The following STK17B variants were observed in gnomAD, a reference collection of about 807,000 sequenced individuals.
The protein encoded by STK17B is serine/threonine kinase 17b, also known as serine/threonine-protein kinase 17B.
STK17B carries 21 observed loss-of-function variants against 42.0 expected under a neutral mutation model. The observed-to-expected ratio is 0.50, with a 90% CI of 0.35 to 0.72. STK17B has a LOEUF of 0.72. Ranked by LOEUF, STK17B falls within the 30% of genes least tolerant of loss-of-function variation. The probability of loss-of-function intolerance (pLI) is 0.00; values close to 1 mark genes in which losing one functional copy is unlikely to be tolerated. For synonymous variants in STK17B, 143 were observed against 148.4 expected, an observed-to-expected ratio of 0.96 and a Z score of 0.26; for missense variants, 349 against 446.0, an observed-to-expected ratio of 0.78 and a Z score of 1.96.
At chr2:196,169,991 C>T (rs1699919532) in intron 1 of STK17B, among the ~76,000 whole-genome samples, 1 of 152,110 alleles carries the variant, frequency 6.6e-6, no homozygotes, top group South Asian at 2.1e-4. Context: ...AATTGAGCAT[C>T]TGCTCAGAGG....
chr2:196,153,088 T>G (rs529921696), intron 3 of STK17B: 39 of 151,972 alleles, frequency 2.6e-4, no homozygotes, highest in Non-Finnish European at 3.5e-4. Flanking sequence ...CCTGGCCACA[T>G]TTTTTTAAGT....
At chr2:196,157,309 T>G (rs891915364) in intron 2 of STK17B, among the ~76,000 whole-genome samples, 1 of 152,198 alleles carries the variant, frequency 6.6e-6, no homozygotes, top group South Asian at 2.1e-4. Context: ...AGAGAAGATA[T>G]GTAATTTAGT....
chr2:196,161,511 C>CTTTTT lies in STK17B; in HGVS notation c.122+1746_122+1750dup, dbSNP rs71009086. 2.7e-3 allele frequency among the ~76,000 whole-genome samples: 189 copies of CTTTTT among 69,520 alleles called. 12 individuals are homozygous for CTTTTT. The highest frequency in any genetic ancestry group is 8.5e-3 in the African/African-American group (139 of 16,312). The allele number at this position is 69,520 out of a possible 152,430, so 45.6% of individuals were successfully genotyped here. A position where few individuals can be genotyped will look rare whatever the true frequency, so the allele number is the denominator to read the frequency against. ...GGTCAGTGAGGTAGATATTATAATTCTTTTTTTTTTTTTTTTTTTTTTTTT... is the reference window on the plus strand; with the variant it reads ...GGTCAGTGAGGTAGATATTATAATTCTTTTTTTTTTTTTTTTTTTTTTTTTTTTTT... On this transcript the variant is annotated intron_variant, in intron 2 of 7. Transcript: ENST00000263955.
At chr2:196,156,788 T>C (rs1407565685) in intron 2 of STK17B, 137 bp from the exon 3 acceptor site, 2 of 713,242 alleles carry the variant, frequency 2.8e-6, no homozygotes, top group Non-Finnish European at 2.3e-6. Flanking sequence ...CTTTGTTCTC[T>C]AAATTGATTC....
intron 3 of STK17B, chr2:196,151,657 A>G (rs1699667911): frequency 6.6e-6 from 1 of 152,204 alleles, no homozygotes. Context: ...ATGTATAGCT[A>G]TATTTTATTT....
intron 4 of STK17B, 100 bp from the exon 5 acceptor site, chr2:196,143,786 T>C: frequency 2.8e-6 from 3 of 1,078,798 alleles, no homozygotes; most frequent in Non-Finnish European, 2.5e-6. Context: ...TCAGCTATTA[T>C]ACATTTCATT....
intron 2 of STK17B, among the ~76,000 whole-genome samples, chr2:196,161,980 AAATC>A (rs2105708911): frequency 6.6e-6 from 1 of 152,272 alleles, no homozygotes; most frequent in East Asian, 1.9e-4. Context: ...TCAAAGACAA[AAATC>A]AATCACATTG....
chr2:196,146,099 C>T (rs2271888), intron 3 of STK17B, 44 bp from the exon 4 acceptor site: 889,370 of 1,518,468 alleles, frequency 0.59, 268,118 homozygotes, highest in South Asian at 0.62. Context: ...ATTCATTCAC[C>T]TAAACACTTT....
intron 1 of STK17B, among the ~76,000 whole-genome samples, chr2:196,170,364 T>C (rs1699924148): frequency 6.6e-6 from 1 of 152,188 alleles, no homozygotes; most frequent in Non-Finnish European, 1.5e-5. Context: ...GCACCACAGA[T>C]GTAAACATTA....
At chr2:196,144,980 T>C (rs1316203019) in intron 4 of STK17B, among the ~76,000 whole-genome samples, 2 of 151,992 alleles carry the variant, frequency 1.3e-5, no homozygotes, top group African/African-American at 4.8e-5. Context: ...TGTGATGCTA[T>C]GTAATGTACT....
At chr2:196,165,149 G>T (rs1575187079) in intron 1 of STK17B, among the ~76,000 whole-genome samples, 1 of 152,098 alleles carries the variant, frequency 6.6e-6, no homozygotes, top group African/African-American at 2.4e-5. Context: ...CCTTTAAAAA[G>T]GTGATTAAGT....
intron 4 of STK17B, 122 bp downstream of exon 4, chr2:196,145,789 C>T (rs1455307243): frequency 2.2e-6 from 2 of 908,650 alleles, no homozygotes; most frequent in Admixed American, 7.0e-5. Flanking sequence ...AAGAGCACAC[C>T]AGTGCAGTCT....
chr2:196,172,021 C>T (rs1021969482), upstream of STK17B, among the ~76,000 whole-genome samples: 2 of 152,232 alleles, frequency 1.3e-5, no homozygotes, highest in Admixed American at 1.3e-4. Flanking sequence ...GACCTATTTT[C>T]TGACTCTTCT....
At chr2:196,150,600 T>A (rs1699653299) in intron 3 of STK17B, among the ~76,000 whole-genome samples, 1 of 152,210 alleles carries the variant, frequency 6.6e-6, no homozygotes, top group African/African-American at 2.4e-5. Flanking sequence ...TAGATTTCTG[T>A]GAGTTATAGA....
intron 4 of STK17B, among the ~76,000 whole-genome samples, chr2:196,144,718 C>T (rs193259080): frequency 2.9e-4 from 44 of 152,170 alleles, no homozygotes; most frequent in African/African-American, 7.7e-4. Flanking sequence ...CCTAAAACCA[C>T]GTGACTTTGC....
rs781753002 is a variant in STK17B at position 196,139,675 on chromosome 2, A to AT, written c.780dup (p.Ser261IlefsTer39). 6.8e-7 allele frequency: 1 copy of AT among 1,472,972 alleles called. No homozygotes were observed. Among genetic ancestry groups the AT allele is most frequent in the Non-Finnish European group, 9.0e-7 (1 of 1,109,102 alleles). 91.2% of individuals were successfully genotyped at this position (1,472,972 alleles called of 1,614,324 possible). On this transcript the variant is annotated frameshift_variant, in exon 7 of 8. Transcript: ENST00000263955. LOFTEE classifies it high-confidence loss of function. ...AAGTCTGTGGCCAGCTGTGAAACTGATGAAAAAGTTTCTTCCGAATAATCT... is the reference window on the plus strand; with the variant it reads ...AAGTCTGTGGCCAGCTGTGAAACTGATTGAAAAAGTTTCTTCCGAATAATCT...
chr2:196,167,104 G>GCTAA (rs1167349019), intron 1 of STK17B, among the ~76,000 whole-genome samples: 4 of 152,070 alleles, frequency 2.6e-5, no homozygotes, highest in Admixed American at 2.0e-4. Flanking sequence ...TCCTTAAATG[G>GCTAA]CTAACTCTTC....
chr2:196,171,606 G>T (rs1443337562), upstream of STK17B: 3 of 152,094 alleles, frequency 2.0e-5, no homozygotes, highest in Non-Finnish European at 2.9e-5. Flanking sequence ...CTGGGGCATC[G>T]CCGTTCGCCA....
At chr2:196,155,246 T>C (rs1699723375) in intron 3 of STK17B, among the ~76,000 whole-genome samples, 2 of 152,210 alleles carry the variant, frequency 1.3e-5, no homozygotes, top group Non-Finnish European at 2.9e-5. Context: ...TTACAAAATA[T>C]ATGAAAACTG....
Sources: allele counts gnomAD v4.1 joint callset (sites outside exome capture counted in the v4.1 genomes callset), GRCh38; gene constraint gnomAD v4.1.1; transcripts MANE v1.5; gene names NCBI Gene and HGNC (gene_info 2026-07-23, HGNC 2026-07-21).